Variants in SDK1 observed in about 807,000 individuals in gnomAD.
The protein encoded by SDK1 is sidekick cell adhesion molecule 1, also known as protein sidekick-1.
SDK1 carries 157 observed loss-of-function variants against 245.5 expected under a neutral mutation model. The ratio of observed to expected loss-of-function variants is 0.64; its 90% confidence interval spans 0.56 to 0.73. SDK1 has a LOEUF of 0.73. SDK1 is among the 30% of genes least tolerant of loss of function. The pLI is 0.00. For missense variants in SDK1, 3,583 were observed against 3,002.3 expected (o/e 1.19, Z -4.52); for synonymous variants, 1,647 against 1,278.5 (o/e 1.29, Z -6.15).
At chr7:4,017,030 G>C in intron 16 of SDK1, 141 bp from the exon 17 acceptor site, 1 of 698,872 alleles carries the variant, frequency 1.4e-6, no homozygotes, top group Non-Finnish European at 2.2e-6. Flanking sequence ...TTGGGAAATA[G>C]TATTGTTTAG....
intron 1 of SDK1, among the ~76,000 whole-genome samples, chr7:3,391,515 T>A (rs908379458): frequency 6.6e-6 from 1 of 152,114 alleles, no homozygotes; most frequent in Non-Finnish European, 1.5e-5. Flanking sequence ...AAAATTTCTT[T>A]CCACAAAGGA....
chr7:4,237,614 C>T lies in SDK1; in HGVS notation c.5993-33C>T. 3 of 1,613,810 alleles carry T rather than the reference C, an allele frequency of 1.9e-6. No homozygotes were observed. In the South Asian group the frequency reaches 3.3e-5, roughly 18 times the overall value. ...GGTGACTGCAGCTGGAGCGTCTGCCCCATGTCATTGTGTGTCCGTGTCTTT... is the reference window on the plus strand; with the variant it reads ...GGTGACTGCAGCTGGAGCGTCTGCCTCATGTCATTGTGTGTCCGTGTCTTT... On this transcript the variant is annotated intron_variant, in intron 41 of 44. Coordinates refer to ENST00000404826, the MANE Select transcript of SDK1 (RefSeq NM_152744.4).
intron 5 of SDK1, among the ~76,000 whole-genome samples, chr7:3,937,574 T>G (rs1263551795): frequency 6.6e-6 from 1 of 152,224 alleles, no homozygotes; most frequent in Non-Finnish European, 1.5e-5. Context: ...ACAATGGTGT[T>G]CGCTGGACGG....
At chr7:4,057,500 C>T (rs77269623) in intron 19 of SDK1, among the ~76,000 whole-genome samples, 5,876 of 152,216 alleles carry the variant, frequency 0.039, 192 homozygotes, top group African/African-American at 0.082. Flanking sequence ...GGGGATTGTC[C>T]CACCACTGCT....
chr7:3,485,591 C>T (rs986202732), intron 1 of SDK1, among the ~76,000 whole-genome samples: 1 of 149,860 alleles, frequency 6.7e-6, no homozygotes, highest in African/African-American at 2.5e-5. Flanking sequence ...GTCCTGTCAT[C>T]TCCCATCTGA....
intron 16 of SDK1, among the ~76,000 whole-genome samples, chr7:4,012,492 C>A (rs959822638): frequency 7.7e-6 from 1 of 130,150 alleles, no homozygotes; most frequent in Non-Finnish European, 1.5e-5. Flanking sequence ...AGCATTTTGG[C>A]AGGAGAATGG....
intron 4 of SDK1, among the ~76,000 whole-genome samples, chr7:3,743,863 T>G (rs2115055704): frequency 6.6e-6 from 1 of 152,314 alleles, no homozygotes; most frequent in African/African-American, 2.4e-5. Flanking sequence ...AGCAGCTATC[T>G]GCCCCCATGA....
intron 4 of SDK1, among the ~76,000 whole-genome samples, chr7:3,699,621 C>T (rs1784683089): frequency 6.6e-6 from 1 of 151,994 alleles, no homozygotes; most frequent in South Asian, 2.1e-4. Flanking sequence ...ACAAACAAAC[C>T]TCAGAGCCTC....
At chr7:3,666,163 C>T (rs1783526570) in intron 4 of SDK1, among the ~76,000 whole-genome samples, 1 of 152,186 alleles carries the variant, frequency 6.6e-6, no homozygotes, top group African/African-American at 2.4e-5. Context: ...ACCCCCACCC[C>T]ACTCACCTTT....
At chr7:3,692,285 C>A (rs1343069483) in intron 4 of SDK1, among the ~76,000 whole-genome samples, 1 of 151,854 alleles carries the variant, frequency 6.6e-6, no homozygotes, top group African/African-American at 2.4e-5. Context: ...CTAAGATATC[C>A]CACCAGCCCA....
chr7:3,842,144 C>T (rs976200082), intron 5 of SDK1, among the ~76,000 whole-genome samples: 1 of 152,220 alleles, frequency 6.6e-6, no homozygotes, highest in Non-Finnish European at 1.5e-5. Flanking sequence ...TACTGTCCTT[C>T]CCAGGGCTGG....
chr7:3,357,608 G>A lies in SDK1; in HGVS notation c.298+55724G>A, dbSNP rs138865230. On this transcript the variant is annotated intron_variant, in intron 1 of 44. Coordinates refer to ENST00000404826, the MANE Select transcript of SDK1 (RefSeq NM_152744.4). ...AGCAATCCTCCTCCCTTGGCCTCCC[G>A]AAGTGCTGGGATGACAGGCATGAGC... is the stretch of plus-strand genomic sequence containing the variant. Among the ~76,000 whole-genome samples the A allele has an allele frequency of 4.9e-3, 746 of 151,214 alleles. 10 individuals are homozygous for A. The highest frequency in any genetic ancestry group is 0.017 in the African/African-American group (715 of 41,172).
At chr7:3,392,534 A>G (rs1016411473) in intron 1 of SDK1, among the ~76,000 whole-genome samples, 4 of 152,154 alleles carry the variant, frequency 2.6e-5, no homozygotes, top group Non-Finnish European at 5.9e-5. Flanking sequence ...TCAGTGTTGT[A>G]TGGCCATCAC....
intron 4 of SDK1, among the ~76,000 whole-genome samples, chr7:3,734,695 T>G (rs1779270649): frequency 6.6e-6 from 1 of 152,196 alleles, no homozygotes; most frequent in Non-Finnish European, 1.5e-5. Flanking sequence ...GCCAAATTAT[T>G]TTTGTGATGT....
intron 17 of SDK1, among the ~76,000 whole-genome samples, chr7:4,037,392 G>A (rs116792824): frequency 0.012 from 1,889 of 152,210 alleles, 40 homozygotes; most frequent in African/African-American, 0.037. Flanking sequence ...GATGAGGTGG[G>A]GGGATCAGTG....
chr7:3,399,006 C>T (rs773903589), intron 1 of SDK1, among the ~76,000 whole-genome samples: 4 of 151,986 alleles, frequency 2.6e-5, no homozygotes, highest in African/African-American at 9.7e-5. Flanking sequence ...GTGGGACTTC[C>T]GAGCTCTTTA....
intron 4 of SDK1, among the ~76,000 whole-genome samples, chr7:3,728,791 A>T (rs1056666196): frequency 6.6e-6 from 1 of 152,098 alleles, no homozygotes; most frequent in African/African-American, 2.4e-5. Context: ...TTTTTAGTAG[A>T]GGCGGGGTTT....
intron 40 of SDK1, chr7:4,227,396 C>T (rs1267210708): frequency 8.5e-6 from 4 of 471,152 alleles, no homozygotes; most frequent in Admixed American, 2.3e-5. Context: ...CATTTTGCCT[C>T]CTGCCTTGAA....
chr7:3,741,661 AT>A (rs562737654), intron 4 of SDK1, among the ~76,000 whole-genome samples: 28 of 152,168 alleles, frequency 1.8e-4, no homozygotes, highest in Non-Finnish European at 3.8e-4. Context: ...TATCATTTAC[AT>A]TTACAATCCC....
Sources: allele counts gnomAD v4.1 joint callset (sites outside exome capture counted in the v4.1 genomes callset), GRCh38; gene constraint gnomAD v4.1.1; transcripts MANE v1.5; gene names NCBI Gene and HGNC (gene_info 2026-07-23, HGNC 2026-07-21).